RSPH14: variants seen among roughly 807,000 people sequenced by gnomAD.
RSPH14 encodes the protein radial spoke head 14 homolog.
A neutral mutation model predicts 26.7 loss-of-function variants in RSPH14; 20 were observed. The ratio of observed to expected loss-of-function variants is 0.75; its 90% CI spans 0.53 to 1.09. RSPH14 has a LOEUF of 1.09. RSPH14 is among the 50% of genes least tolerant of loss of function. The probability of loss-of-function intolerance (pLI) is 0.00; values close to 1 mark genes in which losing one functional copy is unlikely to be tolerated. For missense variants in RSPH14, 449 were observed against 457.2 expected, an observed-to-expected ratio of 0.98 and a Z score of 0.16; for synonymous variants, 177 against 189.3, an observed-to-expected ratio of 0.93 and a Z score of 0.53.
intron 4 of RSPH14, among the ~76,000 whole-genome samples, chr22:23,068,043 C>T (rs1351244724): frequency 1.3e-5 from 2 of 152,228 alleles, no homozygotes; most frequent in Non-Finnish European, 2.9e-5. Flanking sequence ...AATGTTAAAA[C>T]TCTCGAGCAG....
At chr22:23,095,805 T>C in intron 4 of RSPH14, 1 of 1,613,420 alleles carries the variant, frequency 6.2e-7, no homozygotes, top group Non-Finnish European at 8.5e-7. Context: ...ATCAAGCTGC[T>C]CCTGCTGGGC....
chr22:23,142,324 AT>A (rs1032559874), upstream of RSPH14, among the ~76,000 whole-genome samples: 67 of 147,870 alleles, frequency 4.5e-4, no homozygotes, highest in East Asian at 1.6e-3. Flanking sequence ...GTTTCTCCCA[AT>A]TTTTTTTTTT....
At chr22:23,088,222 C>T (rs2068868142) in intron 4 of RSPH14, among the ~76,000 whole-genome samples, 2 of 152,094 alleles carry the variant, frequency 1.3e-5, no homozygotes, top group African/African-American at 2.4e-5. Flanking sequence ...TTATATGAAC[C>T]ATCTACACGC....
chr22:23,121,761 G>C (rs986405059), intron 4 of RSPH14, among the ~76,000 whole-genome samples: 2 of 140,450 alleles, frequency 1.4e-5, no homozygotes, highest in Admixed American at 1.5e-4. Context: ...TCGCTGCGTC[G>C]CCCAGACTGG....
At chr22:23,070,226 G>A (rs948419139) in intron 4 of RSPH14, 2 of 150,652 alleles carry the variant, frequency 1.3e-5, no homozygotes, top group African/African-American at 2.4e-5. Context: ...GGGCGGAGGT[G>A]CCCGGCGCGT....
intron 4 of RSPH14, chr22:23,123,512 C>A: frequency 1.2e-6 from 1 of 862,436 alleles, no homozygotes; most frequent in Non-Finnish European, 1.8e-6. Flanking sequence ...AGGCCCAATC[C>A]AGGGGCAGAA....
chr22:23,156,017 T>C, the RSPH14 span: 2 of 1,612,724 alleles, frequency 1.2e-6, no homozygotes, highest in Non-Finnish European at 1.7e-6. Context: ...ATCTGCCTAC[T>C]ACCGGGGTGC....
chr22:23,130,252 G>A (rs971587563), intron 4 of RSPH14, among the ~76,000 whole-genome samples: 7 of 150,724 alleles, frequency 4.6e-5, no homozygotes, highest in African/African-American at 1.2e-4. Context: ...TCAGGAGATC[G>A]AGACCATCCT....
chr22:23,103,555 A>G (rs555831229), intron 4 of RSPH14, among the ~76,000 whole-genome samples: 1 of 152,344 alleles, frequency 6.6e-6, no homozygotes, highest in South Asian at 2.1e-4. Flanking sequence ...GGAATTTGCC[A>G]GAGCGGCTCT....
chr22:23,068,588 G>A (rs944774483), intron 4 of RSPH14, among the ~76,000 whole-genome samples: 3 of 152,172 alleles, frequency 2.0e-5, no homozygotes, highest in Non-Finnish European at 4.4e-5. Context: ...GGACCCCTCC[G>A]CAGGCTAGCC....
chr22:23,106,158 G>T (rs890576814), intron 4 of RSPH14, among the ~76,000 whole-genome samples: 2 of 152,234 alleles, frequency 1.3e-5, no homozygotes, highest in African/African-American at 4.8e-5. Flanking sequence ...CAGCAACTTT[G>T]ACCAACACCC....
At chr22:23,174,924 G>A in the RSPH14 span, among the ~76,000 whole-genome samples, 1 of 151,376 alleles carries the variant, frequency 6.6e-6, no homozygotes, top group African/African-American at 2.4e-5. Flanking sequence ...CTGAGATCAC[G>A]CCATTGCACT....
upstream of RSPH14, chr22:23,146,672 C>T (rs61747143): frequency 4.7e-4 from 766 of 1,613,960 alleles, 6 homozygotes; most frequent in African/African-American, 9.2e-3. Context: ...CGTGTCATCG[C>T]CAGCTTCCCT....
intron 4 of RSPH14, among the ~76,000 whole-genome samples, chr22:23,118,283 T>G (rs1264722248): frequency 6.6e-6 from 1 of 152,220 alleles, no homozygotes; most frequent in East Asian, 1.9e-4. Flanking sequence ...TTCCCACCAT[T>G]GCACAAGCTT....
At chr22:23,131,591 T>C (rs2070360525) in intron 4 of RSPH14, 1 of 1,302,158 alleles carries the variant, frequency 7.7e-7, no homozygotes, top group Non-Finnish European at 1.0e-6. Context: ...TCACAATCAT[T>C]GTAAGAGGAC....
intron 4 of RSPH14, among the ~76,000 whole-genome samples, chr22:23,078,234 A>G (rs554276619): frequency 6.6e-6 from 1 of 152,320 alleles, no homozygotes; most frequent in South Asian, 2.1e-4. Context: ...AAATAATTAG[A>G]GTGTTGCCTC....
At chr22:23,150,278 G>A in the RSPH14 span, 17 of 694,608 alleles carry the variant, frequency 2.4e-5, no homozygotes, top group Admixed American at 8.6e-5. Flanking sequence ...CAGGCCTGAA[G>A]ATGACTGGGG....
intron 4 of RSPH14, among the ~76,000 whole-genome samples, chr22:23,089,679 C>T (rs995033545): frequency 2.0e-5 from 3 of 152,216 alleles, no homozygotes; most frequent in South Asian, 2.1e-4. Context: ...GCCTGCTGGA[C>T]GGTGGGTGAG....
intron 4 of RSPH14, among the ~76,000 whole-genome samples, chr22:23,087,836 C>G (rs1282242519): frequency 6.6e-6 from 1 of 152,186 alleles, no homozygotes; most frequent in Non-Finnish European, 1.5e-5. Flanking sequence ...AGTGCAGGGT[C>G]TGCAATATTT....
Sources: allele counts gnomAD v4.1 joint callset (sites outside exome capture counted in the v4.1 genomes callset), GRCh38; gene constraint gnomAD v4.1.1; transcripts MANE v1.5; gene names NCBI Gene and HGNC (gene_info 2026-07-23, HGNC 2026-07-21).